ZNF92: variants seen among roughly 807,000 people sequenced by gnomAD.
ZNF92 encodes the protein epididymis luminal protein 203.
A neutral mutation model predicts 12.4 loss-of-function variants in ZNF92; 11 were observed. That is an observed-to-expected ratio of 0.89 (90% confidence interval 0.56 to 1.47). The LOEUF is 1.47. Among genes scored for constraint, ZNF92 ranks in the 40% most tolerant of loss-of-function variants. The pLI, the probability that ZNF92 is intolerant of heterozygous loss-of-function variation, is 0.00. For synonymous variants in ZNF92, 206 were observed against 228.6 expected (o/e 0.90, Z 0.89); for missense variants, 622 against 681.0 (o/e 0.91, Z 0.96).
chr7:65,397,944 T>G (rs549281271), intron 3 of ZNF92, among the ~76,000 whole-genome samples: 2 of 152,170 alleles, frequency 1.3e-5, no homozygotes, highest in Non-Finnish European at 2.9e-5. Context: ...GAAAGGCCCC[T>G]AGAGGCCAAA....
chr7:65,400,435 A>G lies in ZNF92; in HGVS notation c.*560A>G, dbSNP rs1299619268. ...ATTTTTTCAAAAACTACAGCTTGGA[A>G]AACATCAGAGAGTTCATACTAAAAT... On this transcript the variant is annotated 3_prime_UTR_variant, in exon 4 of 4. Coordinates refer to ENST00000328747, the MANE Select transcript of ZNF92 (RefSeq NM_152626.4). The G allele has an allele frequency of 1.3e-5, 2 of 152,096 alleles. No individual in the cohort carries two copies. The highest frequency in any genetic ancestry group is 4.8e-5 in the African/African-American group (2 of 41,422). 9.4% of individuals were successfully genotyped at this position (152,096 alleles called of 1,614,324 possible).
Position 65,399,693 on chromosome 7 carries a change from CGTAAG to C in ZNF92, c.1580_1584del (p.Arg527HisfsTer12). ...TAACCAGTCCTCAAACCTTACTGCACGTAAGATAATTTATACTGGAGAGAAACCCT... is the reference window on the plus strand; with the variant it reads ...TAACCAGTCCTCAAACCTTACTGCACATAATTTATACTGGAGAGAAACCCT... On this transcript the variant is annotated frameshift_variant, in exon 4 of 4. Transcript: ENST00000328747. LOFTEE classifies it low-confidence loss of function (END_TRUNC). 1.2e-6 allele frequency: 2 copies of C among 1,613,554 alleles called. No homozygotes were observed. The highest frequency in any genetic ancestry group is 1.7e-4 in the Middle Eastern group (1 of 6,058).
intron 1 of ZNF92, among the ~76,000 whole-genome samples, chr7:65,374,459 AT>A (rs35823047): frequency 0.11 from 16,767 of 152,084 alleles, 1,295 homozygotes; most frequent in South Asian, 0.17. Flanking sequence ...CGATTCAGGA[AT>A]TTTAGAGCAC....
Sources: allele counts gnomAD v4.1 joint callset (sites outside exome capture counted in the v4.1 genomes callset), GRCh38; gene constraint gnomAD v4.1.1; transcripts MANE v1.5; gene names NCBI Gene and HGNC (gene_info 2026-07-23, HGNC 2026-07-21).